SLCO2B1: variants seen among roughly 807,000 people sequenced by gnomAD.
The protein encoded by SLCO2B1 is solute carrier organic anion transporter family member 2B1.
In SLCO2B1, 41 loss-of-function variants were observed where a neutral mutation model predicts 67.3. The observed-to-expected ratio is 0.61, with a 90% CI of 0.47 to 0.79. SLCO2B1 has a LOEUF of 0.79. Ranked by LOEUF, SLCO2B1 falls within the 30% of genes least tolerant of loss-of-function variation. The pLI, the probability that SLCO2B1 is intolerant of heterozygous loss-of-function variation, is 0.00. For missense variants in SLCO2B1, 837 were observed against 920.1 expected, an observed-to-expected ratio of 0.91 and a Z score of 1.17; for synonymous variants, 379 against 381.4, an observed-to-expected ratio of 0.99 and a Z score of 0.07.
chr11:75,162,923 G>A (rs1425838963), intron 2 of SLCO2B1, 138 bp downstream of exon 2: 1 of 1,070,444 alleles, frequency 9.3e-7, no homozygotes, highest in Non-Finnish European at 1.3e-6. Context: ...GAGGATCAAA[G>A]GGATGATCTG....
chr11:75,194,905 G>C (rs1051258912), intron 9 of SLCO2B1, among the ~76,000 whole-genome samples: 1 of 152,104 alleles, frequency 6.6e-6, no homozygotes, highest in African/African-American at 2.4e-5. Context: ...TAAGCTCTGG[G>C]TTCTAATTCA....
In SLCO2B1 at chr11:75,203,511, T is replaced by C. The variant is rs1045232111; in HGVS notation, c.1949+84T>C. The C allele has an allele frequency of 3.2e-6, 5 of 1,561,048 alleles. No homozygotes were observed. The African/African-American group carries it at 4.1e-5, about 13-fold the overall frequency. Reference sequence around the variant, plus strand: ...GCAGGATACCAGCAGGGAGGGGAGGTTTCATTTAAGTCTACCTGCTAGGTG... The same window carrying C: ...GCAGGATACCAGCAGGGAGGGGAGGCTTCATTTAAGTCTACCTGCTAGGTG... On this transcript the variant is annotated intron_variant, in intron 13 of 13. Transcript: ENST00000289575.
At chr11:75,171,837 G>T (rs1406095484) in intron 6 of SLCO2B1, among the ~76,000 whole-genome samples, 1 of 152,098 alleles carries the variant, frequency 6.6e-6, no homozygotes, top group African/African-American at 2.4e-5. Flanking sequence ...CATCCCTGGG[G>T]ATATTAATCA....
chr11:75,203,538 C>A, intron 13 of SLCO2B1, 111 bp downstream of exon 13: 1 of 1,378,014 alleles, frequency 7.3e-7, no homozygotes, highest in Non-Finnish European at 1.0e-6. Flanking sequence ...TGCTAGGTGA[C>A]AGGTGTCATT....
chr11:75,205,222 G>A lies in SLCO2B1; in HGVS notation c.*642G>A, dbSNP rs541691437. On this transcript the variant is annotated 3_prime_UTR_variant, in exon 14 of 14. Coordinates refer to ENST00000289575, the MANE Select transcript of SLCO2B1 (RefSeq NM_007256.5). ...CACCCAGACTTGGCAGGGCCTTCAA[G>A]AGGCCTGTGTGGGGGCCCCAGGAAT... The A allele has an allele frequency of 6.6e-6, 1 of 152,496 alleles. No individual in the cohort carries two copies. The highest frequency in any genetic ancestry group is 2.1e-4 in the South Asian group (1 of 4,830). 9.4% of individuals were successfully genotyped at this position (152,496 alleles called of 1,614,324 possible).
At chr11:75,156,759 G>A (rs545245475) in intron 1 of SLCO2B1, among the ~76,000 whole-genome samples, 1 of 152,310 alleles carries the variant, frequency 6.6e-6, no homozygotes, top group South Asian at 2.1e-4. Flanking sequence ...CATTTTTATG[G>A]TTATTTCATG....
Position 75,172,880 on chromosome 11 carries a change from G to A in SLCO2B1, c.972+311G>A, listed in dbSNP as rs759824673. Among the ~76,000 whole-genome samples the A allele has an allele frequency of 4.6e-5, 7 of 151,534 alleles. No individual in the cohort carries two copies. The South Asian group carries it at 1.5e-3, about 32-fold the overall frequency. ...GGAGGTGGAGGTTGCAGTGAGCCGA[G>A]ATTGCACCACTGCACTCCAGCCTGG... On this transcript the variant is annotated intron_variant, in intron 7 of 13. Transcript: ENST00000289575.
chr11:75,175,290 G>A (rs1054548922), intron 7 of SLCO2B1, among the ~76,000 whole-genome samples: 11 of 152,136 alleles, frequency 7.2e-5, no homozygotes, highest in Admixed American at 6.5e-4. Context: ...TTGCAGTAAC[G>A]TGGTTGGCCT....
At chr11:75,188,280 G>T (rs1209050730) in intron 8 of SLCO2B1, 42 bp downstream of exon 8, 1 of 1,344,364 alleles carries the variant, frequency 7.4e-7, no homozygotes, top group South Asian at 1.2e-5. Context: ...CAGGGCCAGA[G>T]GGGTCTTCGA....
chr11:75,202,160 T>G (rs1013989072), intron 11 of SLCO2B1: 1 of 152,228 alleles, frequency 6.6e-6, no homozygotes, highest in Non-Finnish European at 1.5e-5. Flanking sequence ...TTATTCACTA[T>G]CTACTTTCTA....
intron 7 of SLCO2B1, among the ~76,000 whole-genome samples, chr11:75,185,718 T>C (rs1944914737): frequency 6.6e-6 from 1 of 151,906 alleles, no homozygotes; most frequent in African/African-American, 2.4e-5. Context: ...GAATAAAGAA[T>C]GGCTACTCCA....
At chr11:75,202,065 T>C (rs1320585267) in intron 11 of SLCO2B1, 1 of 152,224 alleles carries the variant, frequency 6.6e-6, no homozygotes, top group Non-Finnish European at 1.5e-5. Flanking sequence ...TAGGAGTGTA[T>C]GCCGGGAAGA....
rs1256556902 is a variant in SLCO2B1, at chr11:75,193,982, C to T, written c.1433+407C>T. On this transcript the variant is annotated intron_variant, in intron 9 of 13. Coordinates refer to ENST00000289575, the MANE Select transcript of SLCO2B1 (RefSeq NM_007256.5). This position sits in a 1 kb window ranked among gnomAD's most constrained non-coding sequence, Gnocchi z 4.2. ...GCCTGCCCAGGAGGAAGCATGCTCT[C>T]CATCCTGGGGACGAGAGGGGATGAG... 6.6e-6 allele frequency among the ~76,000 whole-genome samples: 1 copy of T among 152,132 alleles called. No individual in the cohort carries two copies. The highest frequency in any genetic ancestry group is 1.5e-5 in the Non-Finnish European group (1 of 68,024).
intron 10 of SLCO2B1, among the ~76,000 whole-genome samples, chr11:75,197,445 G>A (rs1166404235): frequency 6.6e-6 from 1 of 152,234 alleles, no homozygotes; most frequent in Non-Finnish European, 1.5e-5. Flanking sequence ...GAGATTTGAA[G>A]GAACACACAT....
intron 5 of SLCO2B1, 107 bp from the exon 6 acceptor site, chr11:75,169,559 C>A: frequency 8.2e-7 from 1 of 1,219,060 alleles, no homozygotes; most frequent in Non-Finnish European, 1.2e-6. Flanking sequence ...GTTCCCCATC[C>A]CTGACCAGGG....
chr11:75,180,821 A>T (rs1354775256), intron 7 of SLCO2B1, among the ~76,000 whole-genome samples: 1 of 152,220 alleles, frequency 6.6e-6, no homozygotes, highest in Non-Finnish European at 1.5e-5. Flanking sequence ...CCCATCTTAT[A>T]CCAGAGGGAC....
chr11:75,169,975 G>C lies in SLCO2B1; in HGVS notation c.781+211G>C. ...AGCTGTGATCAGAGTCCAGCGAGAT[G>C]GTGGAGATAAACTGTAAAGTGCCAT... On this transcript the variant is annotated intron_variant, in intron 6 of 13. Coordinates refer to ENST00000289575, the MANE Select transcript of SLCO2B1 (RefSeq NM_007256.5). 5.4e-6 allele frequency: 3 copies of C among 554,340 alleles called. No homozygotes were observed. In the South Asian group the frequency reaches 6.6e-5, roughly 12 times the overall value. 34.3% of individuals were successfully genotyped at this position (554,340 alleles called of 1,614,324 possible). A position where few individuals can be genotyped will look rare whatever the true frequency, so the allele number is the denominator to read the frequency against.
chr11:75,185,025 A>G (rs1950132868), intron 7 of SLCO2B1, among the ~76,000 whole-genome samples: 1 of 152,156 alleles, frequency 6.6e-6, no homozygotes, highest in Non-Finnish European at 1.5e-5. Flanking sequence ...TGAAAGAAGA[A>G]AGAAGAAAGG....
At chr11:75,182,520 A>G (rs965449620) in intron 7 of SLCO2B1, among the ~76,000 whole-genome samples, 9 of 152,240 alleles carry the variant, frequency 5.9e-5, no homozygotes, top group African/African-American at 1.9e-4. Context: ...AGGCGGCCAG[A>G]TCACCCGAGG....
Sources: allele counts gnomAD v4.1 joint callset (sites outside exome capture counted in the v4.1 genomes callset), GRCh38; gene constraint gnomAD v4.1.1; non-coding constraint Gnocchi (gnomAD v3.1); transcripts MANE v1.5; gene names NCBI Gene and HGNC (gene_info 2026-07-23, HGNC 2026-07-21).